Variants in ARL15 observed in about 807,000 individuals in gnomAD.
ARL15 encodes the protein ADP-ribosylation factor-like protein 15.
In ARL15, 19 loss-of-function variants were observed where a neutral mutation model predicts 25.2. The observed-to-expected ratio is 0.75, with a 90% CI of 0.53 to 1.10. The LOEUF is 1.10. Ranked by LOEUF, ARL15 falls within the 50% of genes least tolerant of loss-of-function variation. ARL15 has a pLI of 0.00. For missense variants in ARL15, 220 were observed against 246.0 expected (o/e 0.89, Z 0.71); for synonymous variants, 94 against 86.8 (o/e 1.08, Z -0.46).
chr5:54,180,020 A>G (rs1164844378), intron 1 of ARL15, among the ~76,000 whole-genome samples: 5 of 20,164 alleles, frequency 2.5e-4, no homozygotes, highest in Admixed American at 6.9e-4. Flanking sequence ...TGTCTCGAGA[A>G]AAAAAAAAAA....
At chr5:54,139,166 T>C (rs1395271999) in intron 3 of ARL15, among the ~76,000 whole-genome samples, 2 of 152,168 alleles carry the variant, frequency 1.3e-5, no homozygotes, top group Admixed American at 1.3e-4. Flanking sequence ...CTACTAGGTA[T>C]CTACCTAAAA....
chr5:54,089,781 A>G (rs965469683), intron 4 of ARL15, among the ~76,000 whole-genome samples: 1 of 152,214 alleles, frequency 6.6e-6, no homozygotes, highest in Non-Finnish European at 1.5e-5. Context: ...AATGAATTTA[A>G]TATGTGCAGG....
chr5:54,198,808 T>C (rs1047076192), intron 1 of ARL15, among the ~76,000 whole-genome samples: 11 of 151,394 alleles, frequency 7.3e-5, no homozygotes, highest in Admixed American at 6.6e-4. Flanking sequence ...TTAAAGTTCA[T>C]ATGGAACCAA....
intron 2 of ARL15, among the ~76,000 whole-genome samples, chr5:54,166,849 T>G (rs1410114994): frequency 6.6e-6 from 1 of 152,216 alleles, no homozygotes; most frequent in Non-Finnish European, 1.5e-5. Flanking sequence ...TTCTGGCCTC[T>G]TCCCATCCCT....
intron 1 of ARL15, among the ~76,000 whole-genome samples, chr5:54,185,328 A>T (rs536831292): frequency 5.3e-4 from 80 of 152,142 alleles, no homozygotes; most frequent in African/African-American, 1.9e-3. Flanking sequence ...CAGCTCAATG[A>T]TCATTTCTTT....
intron 3 of ARL15, among the ~76,000 whole-genome samples, chr5:54,127,149 T>C (rs1391927284): frequency 1.3e-5 from 2 of 152,208 alleles, no homozygotes; most frequent in Non-Finnish European, 2.9e-5. Flanking sequence ...CAATTTCATC[T>C]ATGTCCCTAC....
chr5:54,291,890 C>A (rs2112691281), intron 1 of ARL15, among the ~76,000 whole-genome samples: 1 of 152,310 alleles, frequency 6.6e-6, no homozygotes, highest in African/African-American at 2.4e-5. Context: ...TAACTGGGCT[C>A]CCCTGGGGCT....
chr5:53,926,811 T>C (rs1181766889), intron 4 of ARL15, among the ~76,000 whole-genome samples: 1 of 152,086 alleles, frequency 6.6e-6, no homozygotes, highest in Non-Finnish European at 1.5e-5. Context: ...ATGAAATAGG[T>C]TTCCAAAGGA....
At chr5:53,991,792 A>T (rs775529436) in intron 4 of ARL15, among the ~76,000 whole-genome samples, 43 of 152,212 alleles carry the variant, frequency 2.8e-4, no homozygotes, top group Middle Eastern at 3.4e-3. Flanking sequence ...ATCTCCCACT[A>T]TGGTGGTGTC....
intron 3 of ARL15, among the ~76,000 whole-genome samples, chr5:54,131,199 CA>C (rs1753419798): frequency 6.6e-6 from 1 of 152,148 alleles, no homozygotes; most frequent in Non-Finnish European, 1.5e-5. Flanking sequence ...AAAAACCTTG[CA>C]AAGCATTAGT....
At chr5:54,294,967 C>T (rs1215795715) in intron 1 of ARL15, among the ~76,000 whole-genome samples, 2 of 152,170 alleles carry the variant, frequency 1.3e-5, no homozygotes, top group African/African-American at 4.8e-5. Flanking sequence ...ACTCTTGATT[C>T]TTCATCTCCT....
At chr5:54,077,696 G>A (rs76517551) in intron 4 of ARL15, among the ~76,000 whole-genome samples, 12,257 of 152,132 alleles carry the variant, frequency 0.081, 623 homozygotes, top group African/African-American at 0.11. Flanking sequence ...CTTAATAATA[G>A]GTAAGTCGCG....
intron 1 of ARL15, among the ~76,000 whole-genome samples, chr5:54,283,950 G>A (rs922967616): frequency 6.6e-6 from 1 of 152,150 alleles, no homozygotes; most frequent in Non-Finnish European, 1.5e-5. Context: ...GAGACTTAAT[G>A]TAGCTCCAGT....
intron 1 of ARL15, among the ~76,000 whole-genome samples, chr5:54,242,834 A>G (rs912960382): frequency 1.3e-5 from 2 of 152,212 alleles, no homozygotes; most frequent in South Asian, 4.1e-4. Context: ...AACAAAAATT[A>G]TAACGAACAC....
At chr5:54,263,773 C>T (rs911389731) in intron 1 of ARL15, among the ~76,000 whole-genome samples, 3 of 152,192 alleles carry the variant, frequency 2.0e-5, no homozygotes, top group South Asian at 2.1e-4. Context: ...ATCCATACAA[C>T]CCCCATTTCT....
intron 1 of ARL15, among the ~76,000 whole-genome samples, chr5:54,228,692 A>C (rs1250594937): frequency 1.3e-5 from 2 of 152,194 alleles, no homozygotes; most frequent in Non-Finnish European, 2.9e-5. Flanking sequence ...CCATGTAAAT[A>C]AAACACAACC....
chr5:54,194,484 T>A (rs1399246839), intron 1 of ARL15, among the ~76,000 whole-genome samples: 1 of 151,876 alleles, frequency 6.6e-6, no homozygotes, highest in African/African-American at 2.4e-5. Context: ...TGAATCAAGC[T>A]AGAGAAAGTT....
chr5:54,048,854 T>C (rs1393153643), intron 4 of ARL15, among the ~76,000 whole-genome samples: 3 of 151,146 alleles, frequency 2.0e-5, no homozygotes, highest in African/African-American at 7.3e-5. Context: ...ACTGACACAT[T>C]CCAAGAGATC....
chr5:54,003,435 G>A (rs900916887), intron 4 of ARL15, among the ~76,000 whole-genome samples: 4 of 152,160 alleles, frequency 2.6e-5, no homozygotes, highest in African/African-American at 7.2e-5. Flanking sequence ...GATTTTTATA[G>A]ATAGGAGTTA....
Sources: gnomAD v4.1 joint callset for allele counts (sites outside exome capture counted in the v4.1 genomes callset) on GRCh38, gnomAD v4.1.1 for gene constraint, MANE v1.5 for transcripts, NCBI Gene and HGNC (gene_info 2026-07-23, HGNC 2026-07-21) for gene names.